CFAP54: variants seen among roughly 807,000 people sequenced by gnomAD.
The protein encoded by CFAP54 is cilia- and flagella-associated protein 54.
In CFAP54, 290 loss-of-function variants were observed where a neutral mutation model predicts 370.4. The ratio of observed to expected loss-of-function variants is 0.78; its 90% CI spans 0.71 to 0.86. The LOEUF (loss-of-function observed/expected upper bound fraction) is 0.86, where lower values mean the gene tolerates loss of function less well. Among genes scored for constraint, CFAP54 ranks in the 40% least tolerant of loss-of-function variants. CFAP54 has a pLI of 0.00. For missense variants in CFAP54, 3,399 were observed against 3,528.7 expected (o/e 0.96, Z 0.93); for synonymous variants, 1,206 against 1,236.5 (o/e 0.98, Z 0.52).
Position 96,803,959 on chromosome 12 carries a change from C to G in CFAP54, c.8851-7777C>G, listed in dbSNP as rs185871096. Among the ~76,000 whole-genome samples, 27 of 151,870 alleles carry G rather than the reference C, an allele frequency of 1.8e-4. No homozygotes were observed. The East Asian group carries it at 4.8e-3, about 27-fold the overall frequency. ...GGTTTGAAAGAACCTCAATGAAATGCAGGAAAAATCTGAAAACCAATACAA... is the reference window on the plus strand; with the variant it reads ...GGTTTGAAAGAACCTCAATGAAATGGAGGAAAAATCTGAAAACCAATACAA... On this transcript the variant is annotated intron_variant, in intron 63 of 67. Coordinates refer to ENST00000524981, the MANE Select transcript of CFAP54 (RefSeq NM_001306084.2).
Position 96,580,904 on chromosome 12 carries a change from A to T in CFAP54, c.2890-16A>T. On this transcript the variant is annotated splice_polypyrimidine_tract_variant and intron_variant, in intron 21 of 67. Transcript: ENST00000524981. Reference sequence around the variant, plus strand: ...TAATTTTTCATGTATAACTTGAAATATATTTTTCTTAATAGATACCAGCTG... The same window carrying T: ...TAATTTTTCATGTATAACTTGAAATTTATTTTTCTTAATAGATACCAGCTG... 6.9e-7 allele frequency: 1 copy of T among 1,446,202 alleles called. No individual in the cohort carries two copies. Among genetic ancestry groups the T allele is most frequent in the Non-Finnish European group, 9.1e-7 (1 of 1,096,026 alleles). The allele number at this position is 1,446,202 out of a possible 1,614,324, so 89.6% of individuals were successfully genotyped here.
intron 48 of CFAP54, among the ~76,000 whole-genome samples, chr12:96,709,701 T>TTATTATTA (rs1957589273): frequency 6.9e-6 from 1 of 144,072 alleles, no homozygotes; most frequent in East Asian, 2.0e-4. Context: ...TTGATCATGG[T>TTATTATTA]TTATTATTAT....
chr12:96,703,806 G>A (rs546546074), intron 46 of CFAP54, among the ~76,000 whole-genome samples: 2 of 152,264 alleles, frequency 1.3e-5, no homozygotes, highest in East Asian at 3.9e-4. Flanking sequence ...GTGGGTGGGA[G>A]TGTAAATTGA....
intron 6 of CFAP54, among the ~76,000 whole-genome samples, chr12:96,519,387 C>CATTT (rs1326249836): frequency 2.2e-4 from 33 of 152,308 alleles, no homozygotes; most frequent in Middle Eastern, 3.4e-3. Context: ...GCGTGAGCCA[C>CATTT]TGTGTCCAGG....
At chr12:96,812,180 A>G (rs1213306486) in intron 64 of CFAP54, among the ~76,000 whole-genome samples, 4 of 152,206 alleles carry the variant, frequency 2.6e-5, no homozygotes, top group Admixed American at 6.5e-5. Context: ...TGCTTCATAG[A>G]GATTACAGAG....
intron 22 of CFAP54, among the ~76,000 whole-genome samples, chr12:96,586,949 G>A (rs920246138): frequency 3.9e-5 from 6 of 152,174 alleles, no homozygotes; most frequent in Non-Finnish European, 7.3e-5. Flanking sequence ...GGTAGCTGAT[G>A]TGGTGAGAAG....
chr12:96,577,416 A>T (rs969628305), intron 20 of CFAP54, among the ~76,000 whole-genome samples: 7 of 152,162 alleles, frequency 4.6e-5, no homozygotes, highest in African/African-American at 1.7e-4. Flanking sequence ...TACAAACTAC[A>T]CTTTCCTCTT....
At chr12:96,812,069 C>T (rs1395629527) in intron 64 of CFAP54, among the ~76,000 whole-genome samples, 1 of 152,164 alleles carries the variant, frequency 6.6e-6, no homozygotes, top group Non-Finnish European at 1.5e-5. Flanking sequence ...CCTTCACAAC[C>T]TTGGGCAGTT....
intron 12 of CFAP54, among the ~76,000 whole-genome samples, chr12:96,536,774 G>C (rs1422471384): frequency 1.3e-5 from 2 of 151,812 alleles, no homozygotes; most frequent in African/African-American, 4.8e-5. Context: ...TTACAGGCAT[G>C]TGCCACCATG....
chr12:96,859,421 G>T (rs28661611), intron 66 of CFAP54, among the ~76,000 whole-genome samples: 8 of 147,528 alleles, frequency 5.4e-5, no homozygotes, highest in African/African-American at 2.0e-4. Context: ...TTTGTTTTTT[G>T]TTTTTTTTTT....
intron 60 of CFAP54, among the ~76,000 whole-genome samples, chr12:96,765,440 GT>G (rs1294317381): frequency 1.3e-5 from 2 of 152,210 alleles, no homozygotes; most frequent in East Asian, 3.9e-4. Context: ...TCAGATGCAT[GT>G]TCTTTTAAAA....
chr12:96,580,418 C>G (rs144150516), intron 20 of CFAP54, among the ~76,000 whole-genome samples, 179 bp from the exon 21 acceptor site: 2 of 151,962 alleles, frequency 1.3e-5, no homozygotes, highest in Admixed American at 6.6e-5. Context: ...GTCTTAATTG[C>G]CTCAGTAAAC....
chr12:96,609,082 A>G (rs1408813154), intron 26 of CFAP54, among the ~76,000 whole-genome samples: 2 of 152,198 alleles, frequency 1.3e-5, no homozygotes, highest in African/African-American at 4.8e-5. Flanking sequence ...AGACAGTGGT[A>G]CTGGGAAAAT....
chr12:96,695,134 G>A (rs556579648), intron 45 of CFAP54, among the ~76,000 whole-genome samples: 10 of 152,276 alleles, frequency 6.6e-5, no homozygotes, highest in South Asian at 6.2e-4. Context: ...TCAAGCTACC[G>A]ACAAGACATC....
At chr12:96,601,947 T>C (rs537032270) in intron 26 of CFAP54, among the ~76,000 whole-genome samples, 4 of 152,338 alleles carry the variant, frequency 2.6e-5, no homozygotes, top group African/African-American at 9.6e-5. Flanking sequence ...TTTTTGTGTC[T>C]CTATCTCCTT....
At chr12:96,492,542 C>T (rs1332816057) in intron 1 of CFAP54, among the ~76,000 whole-genome samples, 9 of 152,112 alleles carry the variant, frequency 5.9e-5, no homozygotes, top group Admixed American at 5.2e-4. Context: ...ATTTTTTAAT[C>T]GATTTGTTTT....
rs552923789 is a variant in CFAP54 at position 96,835,448 on chromosome 12, A to C, written c.9171+6360A>C. Among the ~76,000 whole-genome samples, 9 of 152,268 alleles carry C rather than the reference A, an allele frequency of 5.9e-5. No individual in the cohort carries two copies. In the East Asian group the frequency reaches 1.7e-3, roughly 30 times the overall value. ...CTCTGGTCAATGGTACTGGCAACCCAGCCCCCAGCCTTCAGGCCCTCCCTG... is the reference window on the plus strand; with the variant it reads ...CTCTGGTCAATGGTACTGGCAACCCCGCCCCCAGCCTTCAGGCCCTCCCTG... On this transcript the variant is annotated intron_variant, in intron 66 of 67. Coordinates refer to ENST00000524981, the MANE Select transcript of CFAP54 (RefSeq NM_001306084.2).
At chr12:96,616,115 A>G (rs1333685952) in intron 26 of CFAP54, among the ~76,000 whole-genome samples, 5 of 152,244 alleles carry the variant, frequency 3.3e-5, no homozygotes, top group Admixed American at 1.3e-4. Context: ...AACCAAGCCA[A>G]ATGTCCAACA....
intron 32 of CFAP54, among the ~76,000 whole-genome samples, chr12:96,633,188 C>A (rs561116003): frequency 6.6e-6 from 1 of 152,120 alleles, no homozygotes; most frequent in African/African-American, 2.4e-5. Flanking sequence ...CTCTTCTTTC[C>A]TTTTCGTGTT....
Sources: allele counts gnomAD v4.1 joint callset (sites outside exome capture counted in the v4.1 genomes callset), GRCh38; gene constraint gnomAD v4.1.1; transcripts MANE v1.5; gene names NCBI Gene and HGNC (gene_info 2026-07-23, HGNC 2026-07-21).